MGAT4A: variants seen among roughly 807,000 people sequenced by gnomAD.
The protein encoded by MGAT4A is alpha-1,3-mannosyl-glycoprotein 4-beta-N-acetylglucosaminyltransferase A, also known as N-acetylglucosaminyltransferase IVa.
MGAT4A carries 33 observed loss-of-function variants against 74.1 expected under a neutral mutation model. The observed-to-expected ratio is 0.45, with a 90% CI of 0.34 to 0.60. The LOEUF (loss-of-function observed/expected upper bound fraction) is 0.60, where lower values mean the gene tolerates loss of function less well. MGAT4A is among the 20% of genes least tolerant of loss of function. MGAT4A has a pLI of 0.02. For synonymous variants in MGAT4A, 198 were observed against 210.4 expected, an observed-to-expected ratio of 0.94 and a Z score of 0.51; for missense variants, 479 against 628.3, an observed-to-expected ratio of 0.76 and a Z score of 2.54.
intron 4 of MGAT4A, among the ~76,000 whole-genome samples, chr2:98,673,666 AAGAG>A (rs775125497): frequency 1.3e-5 from 2 of 152,198 alleles, no homozygotes; most frequent in Non-Finnish European, 2.9e-5. Flanking sequence ...CTTCAAAAGA[AAGAG>A]AATGTCACAT....
At chr2:98,695,601 A>AGTTTTTATAGT (rs1171869468) in intron 2 of MGAT4A, 1 of 154,618 alleles carries the variant, frequency 6.5e-6, no homozygotes, top group Non-Finnish European at 1.5e-5. Flanking sequence ...ATGTGTATGG[A>AGTTTTTATAGT]ACCAACTGTT....
intron 4 of MGAT4A, among the ~76,000 whole-genome samples, chr2:98,666,203 A>G (rs897434857): frequency 1.2e-4 from 18 of 152,254 alleles, no homozygotes; most frequent in African/African-American, 3.4e-4. Context: ...CCTTGCAAAT[A>G]GGGCTTCAGC....
At chr2:98,643,030 G>T (rs1323948347) in intron 10 of MGAT4A, among the ~76,000 whole-genome samples, 2 of 152,054 alleles carry the variant, frequency 1.3e-5, no homozygotes, top group Admixed American at 1.3e-4. Flanking sequence ...TGTTCTTACA[G>T]TAATACTTAT....
At chr2:98,633,187 T>C (rs1396949651) in intron 14 of MGAT4A, among the ~76,000 whole-genome samples, 2 of 152,250 alleles carry the variant, frequency 1.3e-5, no homozygotes, top group African/African-American at 4.8e-5. Context: ...ATTCATCAGC[T>C]GCTCTTGTCT....
At chr2:98,695,217 A>G (rs998099733) in intron 2 of MGAT4A, 2 of 152,220 alleles carry the variant, frequency 1.3e-5, no homozygotes, top group Admixed American at 6.6e-5. Context: ...TTGTATTTTT[A>G]GTAGAGACGA....
intron 10 of MGAT4A, among the ~76,000 whole-genome samples, chr2:98,643,520 A>G (rs1389498574): frequency 6.6e-6 from 1 of 152,212 alleles, no homozygotes. Flanking sequence ...CTTCTATTTT[A>G]TTCCTCATTT....
chr2:98,652,766 C>T (rs1350455291), intron 8 of MGAT4A, among the ~76,000 whole-genome samples: 1 of 152,178 alleles, frequency 6.6e-6, no homozygotes, highest in East Asian at 1.9e-4. Flanking sequence ...CTGGTATGCA[C>T]CACCATGCCC....
intron 4 of MGAT4A, among the ~76,000 whole-genome samples, chr2:98,672,033 C>T (rs1319524787): frequency 7.0e-6 from 1 of 143,812 alleles, no homozygotes; most frequent in Non-Finnish European, 1.5e-5. Context: ...GTTAGGACTT[C>T]TGCCTTCCCA....
At chr2:98,631,524 A>G (rs965940630) in intron 14 of MGAT4A, among the ~76,000 whole-genome samples, 1 of 152,248 alleles carries the variant, frequency 6.6e-6, no homozygotes, top group African/African-American at 2.4e-5. Context: ...AGGCAGGCAC[A>G]CAAGTGGCTG....
intron 1 of MGAT4A, among the ~76,000 whole-genome samples, chr2:98,728,011 C>T (rs1428037731): frequency 6.6e-6 from 1 of 152,182 alleles, no homozygotes; most frequent in African/African-American, 2.4e-5. Flanking sequence ...ATGAGGCCTC[C>T]TGCACCTGGC....
In MGAT4A at chr2:98,711,511, AAAAAGCCCATAGTATTGCTAATT is replaced by A. The variant is rs1702518749; in HGVS notation, c.94+14705_94+14727del. On this transcript the variant is annotated intron_variant, in intron 2 of 15. Coordinates refer to ENST00000393487, the MANE Select transcript of MGAT4A (RefSeq NM_012214.3). The stretch of plus-strand genomic sequence containing the variant: ...AGGTTTAGAGATGAAGAAATTAATG[AAAAAGCCCATAGTATTGCTAATT>A]AATAATAAGTTTAAATATAAATATG... Among the ~76,000 whole-genome samples the A allele has an allele frequency of 2.0e-5, 3 of 152,298 alleles. No individual in the cohort carries two copies. In the South Asian group the frequency reaches 6.2e-4, roughly 32 times the overall value.
chr2:98,645,657 G>A (rs1701473775), intron 8 of MGAT4A, 115 bp from the exon 9 acceptor site: 18 of 769,542 alleles, frequency 2.3e-5, no homozygotes, highest in South Asian at 1.7e-4. Context: ...AGAAGACAAT[G>A]GTAAAAACAA....
chr2:98,705,476 A>G (rs2104318735), intron 2 of MGAT4A, among the ~76,000 whole-genome samples: 1 of 152,016 alleles, frequency 6.6e-6, no homozygotes, highest in Non-Finnish European at 1.5e-5. Context: ...CCAATTTACA[A>G]CTGTTACCCC....
rs3067257 is a variant in MGAT4A at position 98,665,333 on chromosome 2, C to CAAAA, written c.404-2158_404-2155dup. 7.5e-3 allele frequency among the ~76,000 whole-genome samples: 857 copies of CAAAA among 114,776 alleles called. 29 individuals carry two copies. The highest frequency in any genetic ancestry group is 0.029 in the African/African-American group (807 of 28,072). The allele number at this position is 114,776 out of a possible 152,430, so 75.3% of individuals were successfully genotyped here. On this transcript the variant is annotated intron_variant, in intron 4 of 15. Coordinates refer to ENST00000393487, the MANE Select transcript of MGAT4A (RefSeq NM_012214.3). ...AACACAGCAAGACTCCATCTCATCT[C>CAAAA]AAAAAAAAAAAAAAAAAGAATTCTA...
intron 4 of MGAT4A, among the ~76,000 whole-genome samples, chr2:98,673,308 G>A (rs918234586): frequency 2.6e-5 from 4 of 152,008 alleles, no homozygotes; most frequent in African/African-American, 9.7e-5. Context: ...CTAAGAAACA[G>A]AAGTTCTGAA....
At chr2:98,670,463 C>T (rs1274091212) in intron 4 of MGAT4A, among the ~76,000 whole-genome samples, 4 of 152,104 alleles carry the variant, frequency 2.6e-5, no homozygotes, top group African/African-American at 9.7e-5. Flanking sequence ...CTTCCACTTT[C>T]CCGGGAAGTT....
chr2:98,712,750 G>C (rs1331389403), intron 2 of MGAT4A, among the ~76,000 whole-genome samples: 1 of 152,130 alleles, frequency 6.6e-6, no homozygotes, highest in African/African-American at 2.4e-5. Context: ...CCTGACATGT[G>C]AACATTTACT....
chr2:98,623,544 T>G lies in MGAT4A; in HGVS notation c.*2022A>C. 3.0e-6 allele frequency: 3 copies of G among 985,444 alleles called. No homozygotes were observed. Among genetic ancestry groups the G allele is most frequent in the Non-Finnish European group, 2.4e-6 (2 of 829,932 alleles). The allele number at this position is 985,444 out of a possible 1,614,324, so 61.0% of individuals were successfully genotyped here. On this transcript the variant is annotated 3_prime_UTR_variant, in exon 16 of 16. Transcript: ENST00000393487. ...GTTATTCCTGTTTTTGAATGAAATT[T>G]GCTCATGGGCACTGGGCCAAGGAAA...
In MGAT4A at chr2:98,625,813, T is replaced by C. The variant is rs754032281; in HGVS notation, c.1491A>G (p.Ala497=). ...TGAGACTTGGATCCACCATTCCTTC[T>C]GCAACACCATTCTCAAATTTTCCTT... ...FRIGKFENGV[A]EGMVDPSLNP... is the part of the protein sequence containing the mutation. The change falls in exon 15 of 16, where the codon GCA becomes GCG. Residue 497 remains alanine (A), a synonymous_variant. Coordinates refer to ENST00000393487, the MANE Select transcript of MGAT4A (RefSeq NM_012214.3). 8 of 1,609,774 alleles carry C rather than the reference T, an allele frequency of 5.0e-6. No individual in the cohort carries two copies. The highest frequency in any genetic ancestry group is 6.8e-6 in the Non-Finnish European group (8 of 1,176,780).
Sources: allele counts gnomAD v4.1 joint callset (sites outside exome capture counted in the v4.1 genomes callset), GRCh38; gene constraint gnomAD v4.1.1; transcripts MANE v1.5; gene names NCBI Gene and HGNC (gene_info 2026-07-23, HGNC 2026-07-21).